The following SAMD12 variants were observed in gnomAD, a reference collection of about 807,000 sequenced individuals.
SAMD12 encodes sterile alpha motif domain-containing protein 12.
Under a neutral mutation model 15.0 loss-of-function variants are expected in SAMD12, and 9 were observed. The ratio of observed to expected loss-of-function variants is 0.60; its 90% CI spans 0.36 to 1.05. SAMD12 has a LOEUF of 1.05. Ranked by LOEUF, SAMD12 falls within the 50% of genes least tolerant of loss-of-function variation. The probability of loss-of-function intolerance (pLI) is 0.01; values close to 1 mark genes in which losing one functional copy is unlikely to be tolerated. For synonymous variants in SAMD12, 86 were observed against 90.1 expected (o/e 0.96, Z 0.25); for missense variants, 230 against 234.2 (o/e 0.98, Z 0.12).
chr8:118,151,950 T>C, the SAMD12 span, among the ~76,000 whole-genome samples: 11 of 151,868 alleles, frequency 7.2e-5, no homozygotes, highest in African/African-American at 2.4e-4. Context: ...TTTGCAATAA[T>C]GAAATGGAAG....
At chr8:118,365,571 C>G (rs1818721048) in intron 4 of SAMD12, among the ~76,000 whole-genome samples, 1 of 152,038 alleles carries the variant, frequency 6.6e-6, no homozygotes, top group African/African-American at 2.4e-5. Context: ...ACCAGCAGCT[C>G]CCTCTATTCC....
intron 4 of SAMD12, among the ~76,000 whole-genome samples, chr8:118,330,235 G>C (rs1003430079): frequency 1.3e-5 from 2 of 152,198 alleles, no homozygotes; most frequent in African/African-American, 4.8e-5. Flanking sequence ...GTATACAGAA[G>C]ATATGGAGAC....
intron 2 of SAMD12, among the ~76,000 whole-genome samples, chr8:118,572,294 T>C (rs962479989): frequency 4.6e-5 from 7 of 152,356 alleles, no homozygotes; most frequent in Middle Eastern, 3.4e-3. Context: ...ACAGACTCCA[T>C]AGGTGGAAGA....
intron 4 of SAMD12, among the ~76,000 whole-genome samples, chr8:118,285,610 A>G (rs1206434346): frequency 2.6e-5 from 4 of 152,222 alleles, no homozygotes; most frequent in African/African-American, 4.8e-5. Context: ...AATGTGGCAT[A>G]GCACAAATGG....
intron 1 of SAMD12, among the ~76,000 whole-genome samples, chr8:118,614,944 GA>G (rs1221426727): frequency 1.3e-5 from 2 of 152,188 alleles, no homozygotes; most frequent in African/African-American, 4.8e-5. Flanking sequence ...TGATTTACAA[GA>G]GAGCAGCTTT....
At chr8:118,268,997 T>C (rs1475028979) in intron 4 of SAMD12, among the ~76,000 whole-genome samples, 1 of 152,104 alleles carries the variant, frequency 6.6e-6, no homozygotes, top group Non-Finnish European at 1.5e-5. Context: ...CTCCTGAATA[T>C]AGAGAGTAAA....
At chr8:118,598,357 CAAG>C (rs1320908856) in intron 1 of SAMD12, among the ~76,000 whole-genome samples, 1 of 152,148 alleles carries the variant, frequency 6.6e-6, no homozygotes, top group Non-Finnish European at 1.5e-5. Flanking sequence ...GATGTCCTTA[CAAG>C]AAGGGGAAGA....
intron 3 of SAMD12, among the ~76,000 whole-genome samples, chr8:118,406,890 T>TTGTGTGTGTGTGTGTGTGTGTG (rs3052708): frequency 2.7e-5 from 4 of 147,330 alleles, no homozygotes; most frequent in African/African-American, 7.6e-5. Flanking sequence ...CAATATTCCA[T>TTGTGTGTGTGTGTGTGTGTGTG]TGTGTGTGTG....
At chr8:118,179,177 C>A in the SAMD12 span, among the ~76,000 whole-genome samples, 1 of 152,148 alleles carries the variant, frequency 6.6e-6, no homozygotes, top group Non-Finnish European at 1.5e-5. Context: ...TGCGGTGGCT[C>A]ATGTCTCTAA....
At chr8:118,369,927 T>G (rs747599133) in intron 4 of SAMD12, among the ~76,000 whole-genome samples, 1 of 152,152 alleles carries the variant, frequency 6.6e-6, no homozygotes, top group Non-Finnish European at 1.5e-5. Flanking sequence ...AAATGGGATC[T>G]AATTAAAGAG....
intron 3 of SAMD12, among the ~76,000 whole-genome samples, chr8:118,435,510 C>A (rs914570854): frequency 6.6e-6 from 1 of 152,064 alleles, no homozygotes; most frequent in Non-Finnish European, 1.5e-5. Flanking sequence ...AACACATCTG[C>A]CACCAAAGAG....
chr8:118,483,618 A>G (rs1824191505), intron 2 of SAMD12, among the ~76,000 whole-genome samples: 1 of 152,210 alleles, frequency 6.6e-6, no homozygotes. Flanking sequence ...GATCACTACT[A>G]TTAACAAATT....
chr8:118,557,711 A>G (rs1826581105), intron 2 of SAMD12, among the ~76,000 whole-genome samples: 1 of 152,188 alleles, frequency 6.6e-6, no homozygotes, highest in African/African-American at 2.4e-5. Context: ...ATCTTTTAAA[A>G]ACAGAAACAA....
chr8:118,379,217 A>G lies in SAMD12; in HGVS notation c.*200T>C, dbSNP rs1235919422. 3.6e-6 allele frequency: 5 copies of G among 1,402,222 alleles called. No individual in the cohort carries two copies. The highest frequency in any genetic ancestry group is 4.6e-6 in the Non-Finnish European group (5 of 1,080,372). The allele number at this position is 1,402,222 out of a possible 1,614,324, so 86.9% of individuals were successfully genotyped here. A position where few individuals can be genotyped will look rare whatever the true frequency, so the allele number is the denominator to read the frequency against. On this transcript the variant is annotated 3_prime_UTR_variant, in exon 4 of 4. Coordinates refer to ENST00000314727, the MANE Select transcript of SAMD12 (RefSeq NM_207506.3). Reference sequence around the variant, plus strand: ...TGGACTGTACAGTTGTGCAGGCTGCACATTATACAACTCTAGTGAGTGCAA... The same window carrying G: ...TGGACTGTACAGTTGTGCAGGCTGCGCATTATACAACTCTAGTGAGTGCAA...
chr8:118,144,382 C>A, the SAMD12 span, among the ~76,000 whole-genome samples: 1 of 152,014 alleles, frequency 6.6e-6, no homozygotes, highest in Non-Finnish European at 1.5e-5. Flanking sequence ...TTTTGACAAC[C>A]CTCATCCCCA....
chr8:118,477,082 T>C (rs1823981797), intron 2 of SAMD12, among the ~76,000 whole-genome samples: 1 of 151,866 alleles, frequency 6.6e-6, no homozygotes, highest in Non-Finnish European at 1.5e-5. Context: ...TTTTTTTTTT[T>C]TGAGTTGGAG....
In SAMD12 at chr8:118,225,861, G is replaced by C. The variant is rs145066988; in HGVS notation, c.434-28129C>G. Among the ~76,000 whole-genome samples the C allele has an allele frequency of 8.5e-5, 13 of 152,272 alleles. 1 individual carries two copies. The highest frequency in any genetic ancestry group is 3.4e-3 in the Middle Eastern group (1 of 294). On this transcript the variant is annotated intron_variant, in intron 4 of 4. Coordinates refer to the SAMD12 transcript ENST00000409003. ...CTCTCCAAGGACAGATAATGAGATT[G>C]AGGCTCAGAGATGGGAAGTAACTTG...
At chr8:118,456,852 C>G (rs553902057) in intron 2 of SAMD12, among the ~76,000 whole-genome samples, 34 of 152,218 alleles carry the variant, frequency 2.2e-4, no homozygotes, top group Admixed American at 3.3e-4. Context: ...CTAAACAGAC[C>G]AACAAATCTA....
intron 4 of SAMD12, among the ~76,000 whole-genome samples, chr8:118,279,294 A>G (rs1160001770): frequency 6.6e-6 from 1 of 152,224 alleles, no homozygotes; most frequent in East Asian, 1.9e-4. Flanking sequence ...TAGTTCTGCT[A>G]CTTTAAAAAC....
Sources: gnomAD v4.1 joint callset for allele counts (sites outside exome capture counted in the v4.1 genomes callset) on GRCh38, gnomAD v4.1.1 for gene constraint, MANE v1.5 for transcripts, NCBI Gene and HGNC (gene_info 2026-07-23, HGNC 2026-07-21) for gene names.